The following TPO variants were observed in gnomAD, a reference collection of about 807,000 sequenced individuals.
TPO encodes the protein thyroid microsomal antigen.
A neutral mutation model predicts 96.9 loss-of-function variants in TPO; 78 were observed. The ratio of observed to expected loss-of-function variants is 0.81; its 90% confidence interval spans 0.67 to 0.97. The LOEUF is 0.97. Ranked by LOEUF, TPO falls within the 50% of genes least tolerant of loss-of-function variation. The pLI is 0.00. For missense variants in TPO, 1,252 were observed against 1,274.8 expected, an observed-to-expected ratio of 0.98 and a Z score of 0.27; for synonymous variants, 547 against 538.0, an observed-to-expected ratio of 1.02 and a Z score of -0.23.
chr2:1,419,431 G>A (rs116791347), intron 2 of TPO, among the ~76,000 whole-genome samples: 2,780 of 152,266 alleles, frequency 0.018, 105 homozygotes, highest in African/African-American at 0.063. Flanking sequence ...GCTAATGTGA[G>A]CTGATGGAAA....
At chr2:1,531,112 C>CA (rs1678070018) in intron 15 of TPO, among the ~76,000 whole-genome samples, 2 of 96,550 alleles carry the variant, frequency 2.1e-5, no homozygotes, top group Non-Finnish European at 4.2e-5. Context: ...CCAAATCCCC[C>CA]CACTGTGTGC....
intron 1 of TPO, among the ~76,000 whole-genome samples, chr2:1,397,540 G>T (rs1171532694): frequency 6.6e-6 from 1 of 152,230 alleles, no homozygotes; most frequent in East Asian, 1.9e-4. Flanking sequence ...TCAAATTCAG[G>T]CTGGAAAGAC....
rs779775716 is a variant in TPO at position 1,456,188 on chromosome 2, C to T, written c.725C>T (p.Ala242Val). ...AWGQYIDHDI[A>V]FTPQSTSKAA... ...GGACAATACATCGACCACGACATCG[C>T]GTTCACACCACAGAGCACCAGCAAA... Residue 242 changes from alanine to valine, a missense_variant, in exon 7 of 17, where the codon GCG (alanine) becomes GTG (valine). By Grantham distance (64) the Ala-to-Val change is moderately conservative. Transcript: ENST00000329066. 52 of 1,613,994 alleles carry T rather than the reference C, an allele frequency of 3.2e-5. No homozygotes were observed. The highest frequency in any genetic ancestry group is 3.3e-4 in the Middle Eastern group (2 of 6,084).
At chr2:1,446,860 GA>G in intron 5 of TPO, among the ~76,000 whole-genome samples, 1 of 152,142 alleles carries the variant, frequency 6.6e-6, no homozygotes, top group Admixed American at 6.5e-5. Flanking sequence ...TGCTTTCTCT[GA>G]AGAATGTGAA....
At chr2:1,520,818 C>T (rs1216594312) in intron 15 of TPO, among the ~76,000 whole-genome samples, 8 of 152,184 alleles carry the variant, frequency 5.3e-5, no homozygotes, top group Admixed American at 3.3e-4. Context: ...TTAGACCTTT[C>T]GCCATGGAGG....
chr2:1,496,333 C>A, intron 12 of TPO, 136 bp downstream of exon 12: 2 of 952,276 alleles, frequency 2.1e-6, no homozygotes, highest in Non-Finnish European at 3.2e-6. Flanking sequence ...ACCCTCAGGG[C>A]AGCTCCTGGG....
Position 1,540,653 on chromosome 2 carries a change from A to C in TPO, c.2678A>C (p.Glu893Ala). The C allele has an allele frequency of 6.2e-7, 1 of 1,613,524 alleles. No individual in the cohort carries two copies. The highest frequency in any genetic ancestry group is 8.5e-7 in the Non-Finnish European group (1 of 1,180,028). Residue 893 changes from glutamate to alanine, a missense_variant, in exon 16 of 17, where the codon GAG becomes GCG. Glu to Ala is a moderately radical substitution (Grantham distance 107, BLOSUM62 -1). Transcript: ENST00000329066. Reference protein sequence around the residue: ...PISETGGGTPELRCGKHQAVG... With the variant: ...PISETGGGTPALRCGKHQAVG... ...TCGGAGACAGGCGGAGGAACTCCCG[A>C]GCTGAGATGCGGAAAGCACCAGGCC...
At chr2:1,447,642 A>G (rs1666940749) in intron 5 of TPO, among the ~76,000 whole-genome samples, 1 of 152,164 alleles carries the variant, frequency 6.6e-6, no homozygotes, top group South Asian at 2.1e-4. Context: ...GTATATATAG[A>G]GGCATGTATA....
intron 15 of TPO, among the ~76,000 whole-genome samples, chr2:1,526,693 C>CA (rs1676591592): frequency 2.3e-5 from 2 of 88,026 alleles, no homozygotes; most frequent in Non-Finnish European, 5.0e-5. Context: ...CCAAATCCCC[C>CA]CCCCACTGTA....
At chr2:1,528,084 C>A (rs1278684433) in intron 15 of TPO, among the ~76,000 whole-genome samples, 8 of 131,792 alleles carry the variant, frequency 6.1e-5, no homozygotes, top group Non-Finnish European at 1.3e-4. Flanking sequence ...ATCTCCCCCA[C>A]TGTGAGCAAA....
At chr2:1,513,727 G>C (rs1225480149) in intron 14 of TPO, 1 of 152,132 alleles carries the variant, frequency 6.6e-6, no homozygotes, top group Non-Finnish European at 1.5e-5. Context: ...ACTATATATA[G>C]ATTTACATAG....
At chr2:1,465,035 C>T (rs1211104701) in intron 7 of TPO, among the ~76,000 whole-genome samples, 1 of 152,166 alleles carries the variant, frequency 6.6e-6, no homozygotes, top group Non-Finnish European at 1.5e-5. Context: ...GGTTTCAGGT[C>T]TTAGACTTAA....
Position 1,513,612 on chromosome 2 carries a change from T to C in TPO, c.2519-3271T>C, listed in dbSNP as rs566122732. The stretch of plus-strand genomic sequence containing the variant: ...GCAATCAGAGATGCAGATGTATGTA[T>C]AGAAATAGTTATAGATTAGAGACAT... On this transcript the variant is annotated intron_variant, in intron 14 of 16. Transcript: ENST00000329066. 3 of 152,328 alleles carry C rather than the reference T, an allele frequency of 2.0e-5. No homozygotes were observed. The South Asian group carries it at 6.2e-4, about 32-fold the overall frequency. The allele number at this position is 152,328 out of a possible 1,614,324, so 9.4% of individuals were successfully genotyped here.
chr2:1,424,480 T>A (rs762572588), intron 3 of TPO, among the ~76,000 whole-genome samples: 1 of 152,168 alleles, frequency 6.6e-6, no homozygotes, highest in Non-Finnish European at 1.5e-5. Flanking sequence ...AGAGGTGGGA[T>A]CCACTCAGGT....
intron 6 of TPO, 105 bp downstream of exon 6, chr2:1,453,928 G>A (rs1667553141): frequency 6.5e-7 from 1 of 1,530,426 alleles, no homozygotes. Flanking sequence ...GGTGCTGCGT[G>A]CAATCCCTTC....
chr2:1,442,131 C>T (rs776661427), intron 5 of TPO, among the ~76,000 whole-genome samples: 1 of 152,190 alleles, frequency 6.6e-6, no homozygotes, highest in Non-Finnish European at 1.5e-5. Context: ...ATTGTGAGGC[C>T]TCCACGTGGA....
At chr2:1,526,084 T>TCCCACTGTGCGCAACCTCCCCAAATCCC (rs1676420471) in intron 15 of TPO, among the ~76,000 whole-genome samples, 1 of 13,282 alleles carries the variant, frequency 7.5e-5, no homozygotes, top group Non-Finnish European at 1.4e-4. Flanking sequence ...CCCCAAATCC[T>TCCCACTGTGCGCAACCTCCCCAAATCCC]CCCACTGTGC....
chr2:1,478,210 T>A (rs576701902), intron 8 of TPO: 5 of 985,448 alleles, frequency 5.1e-6, no homozygotes, highest in Non-Finnish European at 6.0e-6. Flanking sequence ...GAGAGTCAAG[T>A]TGGCCTTTTA....
At chr2:1,393,697 A>G (rs1196725743) in intron 1 of TPO, among the ~76,000 whole-genome samples, 1 of 152,244 alleles carries the variant, frequency 6.6e-6, no homozygotes, top group Non-Finnish European at 1.5e-5. Flanking sequence ...ACAGGAAATA[A>G]AAAGAGAGTT....
Sources: allele counts gnomAD v4.1 joint callset (sites outside exome capture counted in the v4.1 genomes callset), GRCh38; gene constraint gnomAD v4.1.1; transcripts MANE v1.5; gene names NCBI Gene and HGNC (gene_info 2026-07-23, HGNC 2026-07-21).